Variants in RBFOX3 observed in about 807,000 individuals in gnomAD.
RBFOX3 encodes RNA binding fox-1 homolog 3, also known as RNA binding protein fox-1 homolog 3.
A neutral mutation model predicts 48.7 loss-of-function variants in RBFOX3; 17 were observed. The ratio of observed to expected loss-of-function variants is 0.35; its 90% CI spans 0.24 to 0.52. The LOEUF (loss-of-function observed/expected upper bound fraction) is 0.52, where lower values mean the gene tolerates loss of function less well. RBFOX3 is among the 20% of genes least tolerant of loss of function. RBFOX3 has a pLI of 0.94. For synonymous variants in RBFOX3, 212 were observed against 209.5 expected, an observed-to-expected ratio of 1.01 and a Z score of -0.10; for missense variants, 382 against 497.5, an observed-to-expected ratio of 0.77 and a Z score of 2.21.
chr17:79,449,651 T>C (rs868966920), intron 2 of RBFOX3, among the ~76,000 whole-genome samples: 1 of 10,904 alleles, frequency 9.2e-5, no homozygotes, highest in African/African-American at 1.8e-4. Context: ...ACACACACAC[T>C]TTGAGTCTGG....
In RBFOX3 at chr17:79,482,764, C is replaced by T. The variant is rs1190618531; in HGVS notation, c.-319-166G>A. ...TGAGGGATCAGCACCCTCCAAAGGG[C>T]ACTTTGCTTTTTATGCCCCAGGGGA... On this transcript the variant is annotated intron_variant, in intron 1 of 14. Coordinates refer to ENST00000693108, the MANE Select transcript of RBFOX3 (RefSeq NM_001350451.2). This position sits in a 1 kb window ranked among gnomAD's most constrained non-coding sequence, Gnocchi z 4.1. Among the ~76,000 whole-genome samples, 6 of 152,244 alleles carry T rather than the reference C, an allele frequency of 3.9e-5. No individual in the cohort carries two copies. The highest frequency in any genetic ancestry group is 3.3e-4 in the Admixed American group (5 of 15,300).
intron 1 of RBFOX3, among the ~76,000 whole-genome samples, chr17:79,529,092 A>T (rs1555786692): frequency 6.6e-6 from 1 of 152,168 alleles, no homozygotes; most frequent in African/African-American, 2.4e-5. Context: ...GTGAGATCTC[A>T]TTTAACACCG....
At chr17:79,654,455 G>A in the RBFOX3 span, among the ~76,000 whole-genome samples, 1 of 152,162 alleles carries the variant, frequency 6.6e-6, no homozygotes, top group East Asian at 1.9e-4. Flanking sequence ...CCTTGGCTGG[G>A]GCATGTCTAA....
the RBFOX3 span, among the ~76,000 whole-genome samples, chr17:79,625,476 T>C: frequency 6.6e-6 from 1 of 152,220 alleles, no homozygotes; most frequent in Non-Finnish European, 1.5e-5. Flanking sequence ...TGGATGGACA[T>C]GTGCTTTTAT....
At chr17:79,348,626 G>C (rs1423272095) in intron 2 of RBFOX3, among the ~76,000 whole-genome samples, 1 of 125,744 alleles carries the variant, frequency 8.0e-6, no homozygotes, top group Non-Finnish European at 1.6e-5. Flanking sequence ...TTTTAAACAG[G>C]CTGGAGTGCA....
chr17:79,368,309 C>T (rs1033500508), intron 2 of RBFOX3, among the ~76,000 whole-genome samples: 11 of 152,240 alleles, frequency 7.2e-5, no homozygotes, highest in Non-Finnish European at 1.6e-4. Context: ...AGACCTCCCC[C>T]TCCACCAGCC....
intron 1 of RBFOX3, among the ~76,000 whole-genome samples, chr17:79,595,253 G>A (rs1391311232): frequency 1.3e-5 from 2 of 152,188 alleles, no homozygotes; most frequent in Admixed American, 6.5e-5. Context: ...ACGCAGACAC[G>A]CAGCTCCCTG....
At chr17:79,281,254 C>T (rs1472917133) in intron 3 of RBFOX3, among the ~76,000 whole-genome samples, 3 of 151,962 alleles carry the variant, frequency 2.0e-5, no homozygotes, top group Non-Finnish European at 2.9e-5. Flanking sequence ...CTGGAGGAGC[C>T]GTGGGCTTGT....
chr17:79,210,817 C>T (rs1187781848), intron 4 of RBFOX3, among the ~76,000 whole-genome samples: 2 of 151,946 alleles, frequency 1.3e-5, no homozygotes, highest in Non-Finnish European at 2.9e-5. Flanking sequence ...AATGAGGGTG[C>T]CGAGTTTTGG....
chr17:79,627,427 G>A, the RBFOX3 span, among the ~76,000 whole-genome samples: 1 of 152,202 alleles, frequency 6.6e-6, no homozygotes, highest in East Asian at 1.9e-4. Flanking sequence ...TGGGAGCCGG[G>A]CTCAGCTCTG....
Position 79,346,551 on chromosome 17 carries a change from T to C in RBFOX3, c.-174-38727A>G, listed in dbSNP as rs145667694. On this transcript the variant is annotated intron_variant, in intron 2 of 14. Coordinates refer to ENST00000693108, the MANE Select transcript of RBFOX3 (RefSeq NM_001350451.2). ...TGCGATAGGAGAAGTATCTCCTTCATGCTCTGCTCCTCAGAGGGGTTCTGG... is the reference window on the plus strand; with the variant it reads ...TGCGATAGGAGAAGTATCTCCTTCACGCTCTGCTCCTCAGAGGGGTTCTGG... Among the ~76,000 whole-genome samples the C allele has an allele frequency of 6.6e-3, 1,007 of 152,336 alleles. 7 individuals carry two copies. Among genetic ancestry groups the C allele is most frequent in the African/African-American group, 0.022 (933 of 41,578 alleles).
Position 79,107,632 on chromosome 17 carries a change from C to T in RBFOX3, c.223-844G>A, listed in dbSNP as rs547561240. 2.0e-5 allele frequency among the ~76,000 whole-genome samples: 3 copies of T among 152,356 alleles called. No individual in the cohort carries two copies. In the South Asian group the frequency reaches 6.2e-4, roughly 32 times the overall value. On this transcript the variant is annotated intron_variant, in intron 5 of 14. Coordinates refer to ENST00000693108, the MANE Select transcript of RBFOX3 (RefSeq NM_001350451.2). ...GGCTGTATCCACAGAGCAGGAACTC[C>T]AGGCATGTGGCAGGTGCTTCATCAG...
intron 1 of RBFOX3, among the ~76,000 whole-genome samples, chr17:79,608,406 G>A (rs1239461227): frequency 4.6e-5 from 7 of 152,194 alleles, no homozygotes; most frequent in Non-Finnish European, 8.8e-5. Flanking sequence ...GGGTGGGCAC[G>A]GGTCTCTCTA....
chr17:79,200,071 G>A lies in RBFOX3; in HGVS notation c.-34+35695C>T, dbSNP rs1490412573. 2.7e-5 allele frequency among the ~76,000 whole-genome samples: 4 copies of A among 147,992 alleles called. No homozygotes were observed. The Admixed American group carries it at 2.8e-4, about 10-fold the overall frequency. On this transcript the variant is annotated intron_variant, in intron 4 of 14. Coordinates refer to ENST00000693108, the MANE Select transcript of RBFOX3 (RefSeq NM_001350451.2). Reference sequence around the variant, plus strand: ...CCAGCTACTTGGGAGGCTGAGGCAGGAGAATCACTTGAACCCGGAAGGCAG... The same window carrying A: ...CCAGCTACTTGGGAGGCTGAGGCAGAAGAATCACTTGAACCCGGAAGGCAG...
At chr17:79,155,897 G>T (rs2045682713) in intron 4 of RBFOX3, among the ~76,000 whole-genome samples, 1 of 152,216 alleles carries the variant, frequency 6.6e-6, no homozygotes, top group Non-Finnish European at 1.5e-5. Flanking sequence ...GACTGCCACG[G>T]GGCTCGGGTG....
chr17:79,268,793 C>T (rs771978021), intron 3 of RBFOX3, among the ~76,000 whole-genome samples: 18 of 152,154 alleles, frequency 1.2e-4, no homozygotes, highest in Non-Finnish European at 1.0e-4. Context: ...CTGTGCTGCC[C>T]GCTGCCTGCC....
intron 1 of RBFOX3, among the ~76,000 whole-genome samples, chr17:79,514,743 G>T (rs1289115306): frequency 6.6e-6 from 1 of 152,178 alleles, no homozygotes; most frequent in Non-Finnish European, 1.5e-5. Context: ...AGGCCATGTG[G>T]ATCCACTGGA....
the RBFOX3 span, among the ~76,000 whole-genome samples, chr17:79,650,250 T>C: frequency 1.3e-5 from 2 of 151,886 alleles, no homozygotes; most frequent in Non-Finnish European, 2.9e-5. Context: ...CCAAAACAGA[T>C]AAGAAGCAGA....
At chr17:79,181,950 T>C (rs1279401694) in intron 4 of RBFOX3, among the ~76,000 whole-genome samples, 4 of 145,900 alleles carry the variant, frequency 2.7e-5, no homozygotes, top group South Asian at 2.2e-4. Flanking sequence ...GAGTCTCTCA[T>C]TGTCTCCAAG....
Sources: allele counts gnomAD v4.1 joint callset (sites outside exome capture counted in the v4.1 genomes callset), GRCh38; gene constraint gnomAD v4.1.1; non-coding constraint Gnocchi (gnomAD v3.1); transcripts MANE v1.5; gene names NCBI Gene and HGNC (gene_info 2026-07-23, HGNC 2026-07-21).